Variants in PTPRM observed in about 807,000 individuals in gnomAD.
PTPRM encodes the protein receptor-type tyrosine-protein phosphatase mu.
In PTPRM, 47 loss-of-function variants were observed where a neutral mutation model predicts 186.7. The ratio of observed to expected loss-of-function variants is 0.25; its 90% CI spans 0.20 to 0.32. The LOEUF (loss-of-function observed/expected upper bound fraction) is 0.32, where lower values mean the gene tolerates loss of function less well. Among genes scored for constraint, PTPRM ranks in the 10% least tolerant of loss-of-function variants. The pLI, the probability that PTPRM is intolerant of heterozygous loss-of-function variation, is 1.00. For missense variants in PTPRM, 1,494 were observed against 1,865.0 expected (o/e 0.80, Z 3.66); for synonymous variants, 668 against 674.9 (o/e 0.99, Z 0.16).
At chr18:8,063,375 T>TAGAAA (rs2088778847) in intron 7 of PTPRM, among the ~76,000 whole-genome samples, 1 of 151,722 alleles carries the variant, frequency 6.6e-6, no homozygotes, top group African/African-American at 2.4e-5. Context: ...ATGAACCCGG[T>TAGAAA]ACCTCAGATG....
intron 19 of PTPRM, among the ~76,000 whole-genome samples, chr18:8,288,805 C>A (rs2094988143): frequency 1.3e-5 from 2 of 152,168 alleles, no homozygotes; most frequent in African/African-American, 4.8e-5. Context: ...AGAAAGGGGA[C>A]TTTTGAAATG....
chr18:7,878,069 T>C (rs1450575224), intron 2 of PTPRM, among the ~76,000 whole-genome samples: 1 of 152,220 alleles, frequency 6.6e-6, no homozygotes, highest in Non-Finnish European at 1.5e-5. Flanking sequence ...TTAAGAAATT[T>C]ATCCATGTTA....
At chr18:8,037,320 T>C (rs2086396811) in intron 7 of PTPRM, among the ~76,000 whole-genome samples, 1 of 152,152 alleles carries the variant, frequency 6.6e-6, no homozygotes, top group Non-Finnish European at 1.5e-5. Context: ...AATTCCAGGC[T>C]CTCAGAAATG....
At chr18:8,203,251 T>C (rs1381582848) in intron 14 of PTPRM, among the ~76,000 whole-genome samples, 1 of 152,200 alleles carries the variant, frequency 6.6e-6, no homozygotes, top group Non-Finnish European at 1.5e-5. Flanking sequence ...TTAACATTAG[T>C]AGAGTTCCTT....
At chr18:7,806,056 G>T (rs2044218935) in intron 2 of PTPRM, among the ~76,000 whole-genome samples, 1 of 152,198 alleles carries the variant, frequency 6.6e-6, no homozygotes, top group Non-Finnish European at 1.5e-5. Context: ...GCTGCAGGCT[G>T]CCAGCCTAGT....
chr18:7,638,149 C>G (rs1423268051), intron 1 of PTPRM, among the ~76,000 whole-genome samples: 2 of 152,158 alleles, frequency 1.3e-5, no homozygotes, highest in Non-Finnish European at 2.9e-5. Flanking sequence ...CCCTTCTACT[C>G]TACCCTAAAC....
intron 22 of PTPRM, among the ~76,000 whole-genome samples, chr18:8,321,306 A>G (rs72916886): frequency 0.048 from 7,350 of 152,238 alleles, 278 homozygotes; most frequent in African/African-American, 0.1. Flanking sequence ...TGTATTTTCA[A>G]TATTGAGGCC....
intron 1 of PTPRM, among the ~76,000 whole-genome samples, chr18:7,609,969 A>G (rs1320980502): frequency 6.6e-6 from 1 of 152,222 alleles, no homozygotes; most frequent in East Asian, 1.9e-4. Flanking sequence ...AATGACTTAC[A>G]CTATTCTGTT....
rs959440915 is a variant in PTPRM, at chr18:8,142,879, A to C, written c.2168-768A>C. 2.0e-5 allele frequency among the ~76,000 whole-genome samples: 3 copies of C among 152,216 alleles called. No individual in the cohort carries two copies. The East Asian group carries it at 5.8e-4, about 29-fold the overall frequency. On this transcript the variant is annotated intron_variant, in intron 13 of 32. Coordinates refer to ENST00000580170, the MANE Select transcript of PTPRM (RefSeq NM_001105244.2). ...GCAGAGGAAACGTATATTTCATCAG[A>C]CATGGATTTGACATTCCATTACATT...
At chr18:7,922,897 T>C (rs191371640) in intron 4 of PTPRM, among the ~76,000 whole-genome samples, 1 of 152,304 alleles carries the variant, frequency 6.6e-6, no homozygotes. Flanking sequence ...CGTAAACTTG[T>C]TTATGTATGA....
At chr18:8,064,015 G>T (rs1002442929) in intron 7 of PTPRM, among the ~76,000 whole-genome samples, 45 of 152,222 alleles carry the variant, frequency 3.0e-4, no homozygotes, top group African/African-American at 1.1e-3. Context: ...TGAGATCTGT[G>T]TTCTTACTGT....
chr18:7,895,495 G>A (rs1347284966), intron 3 of PTPRM, among the ~76,000 whole-genome samples: 1 of 152,150 alleles, frequency 6.6e-6, no homozygotes, highest in Non-Finnish European at 1.5e-5. Context: ...CAGACCTGCT[G>A]TCATACAGCA....
intron 11 of PTPRM, among the ~76,000 whole-genome samples, chr18:8,108,054 G>C (rs1311542509): frequency 6.6e-6 from 1 of 151,190 alleles, no homozygotes; most frequent in Non-Finnish European, 1.5e-5. Flanking sequence ...CAAAGAACAA[G>C]AGGTAAATAA....
intron 7 of PTPRM, among the ~76,000 whole-genome samples, chr18:7,988,746 T>C (rs2083102694): frequency 6.6e-6 from 1 of 152,232 alleles, no homozygotes; most frequent in African/African-American, 2.4e-5. Context: ...AAAATTTCCT[T>C]ACTTTTAGTG....
chr18:8,290,059 G>C (rs1355774505), intron 19 of PTPRM, among the ~76,000 whole-genome samples: 1 of 152,156 alleles, frequency 6.6e-6, no homozygotes, highest in Non-Finnish European at 1.5e-5. Flanking sequence ...ATCAGGCAAA[G>C]TTAGGTGTCT....
At chr18:8,264,566 C>T (rs561908444) in intron 19 of PTPRM, among the ~76,000 whole-genome samples, 50 of 152,054 alleles carry the variant, frequency 3.3e-4, no homozygotes, top group South Asian at 6.2e-4. Context: ...GTCAGGAGAT[C>T]GAGACCATCC....
intron 20 of PTPRM, among the ~76,000 whole-genome samples, chr18:8,298,330 GA>G (rs1326963753): frequency 6.6e-6 from 1 of 152,178 alleles, no homozygotes; most frequent in African/African-American, 2.4e-5. Context: ...GTGAAGTGGG[GA>G]ATCCCCTTCC....
chr18:8,140,847 A>G (rs568447409), intron 13 of PTPRM, among the ~76,000 whole-genome samples: 9 of 152,362 alleles, frequency 5.9e-5, no homozygotes, highest in South Asian at 2.1e-4. Context: ...AGTTTATACC[A>G]TGAGAAACCT....
intron 1 of PTPRM, among the ~76,000 whole-genome samples, chr18:7,618,889 A>G (rs1221748869): frequency 6.6e-6 from 1 of 152,232 alleles, no homozygotes; most frequent in Admixed American, 6.5e-5. Flanking sequence ...AAAGCAAATA[A>G]TGAAGGCATA....
Sources: allele counts gnomAD v4.1 joint callset (sites outside exome capture counted in the v4.1 genomes callset), GRCh38; gene constraint gnomAD v4.1.1; transcripts MANE v1.5; gene names NCBI Gene and HGNC (gene_info 2026-07-23, HGNC 2026-07-21).